The following NTM variants were observed in gnomAD, a reference collection of about 807,000 sequenced individuals.
NTM encodes IgLON family member 2.
NTM carries 13 observed loss-of-function variants against 42.1 expected under a neutral mutation model. The observed-to-expected ratio is 0.31, with a 90% confidence interval of 0.20 to 0.49. The LOEUF is 0.49. NTM is among the 20% of genes least tolerant of loss of function. The probability of loss-of-function intolerance (pLI) is 0.99; values close to 1 mark genes in which losing one functional copy is unlikely to be tolerated. For synonymous variants in NTM, 187 were observed against 179.2 expected, an observed-to-expected ratio of 1.04 and a Z score of -0.35; for missense variants, 373 against 452.8, an observed-to-expected ratio of 0.82 and a Z score of 1.60.
chr11:131,981,192 G>C (rs1453206122), intron 2 of NTM: 2 of 152,162 alleles, frequency 1.3e-5, no homozygotes, highest in African/African-American at 4.8e-5. Flanking sequence ...GAGCCCTTTG[G>C]GAATGCTCCG....
intron 2 of NTM, among the ~76,000 whole-genome samples, chr11:131,938,353 T>G (rs1373021324): frequency 6.6e-6 from 1 of 152,064 alleles, no homozygotes; most frequent in African/African-American, 2.4e-5. Context: ...AGCACAGAAT[T>G]CTAATGAGAG....
chr11:132,027,127 A>G (rs918153041), intron 2 of NTM, among the ~76,000 whole-genome samples: 3 of 152,216 alleles, frequency 2.0e-5, no homozygotes, highest in Admixed American at 6.5e-5. Flanking sequence ...CATACCATAG[A>G]TCCCTGATGG....
At chr11:132,142,038 C>G (rs891397543) in intron 2 of NTM, among the ~76,000 whole-genome samples, 1 of 152,184 alleles carries the variant, frequency 6.6e-6, no homozygotes, top group Non-Finnish European at 1.5e-5. Context: ...CTCAAGGGAA[C>G]CTCTGTCCCT....
intron 1 of NTM, among the ~76,000 whole-genome samples, chr11:131,600,067 G>A (rs891022053): frequency 4.6e-5 from 7 of 152,204 alleles, no homozygotes; most frequent in Non-Finnish European, 8.8e-5. Flanking sequence ...GTTGAGCCAC[G>A]TGGAGGAACT....
intron 1 of NTM, among the ~76,000 whole-genome samples, chr11:131,448,491 G>A (rs1049115314): frequency 1.3e-5 from 2 of 152,352 alleles, no homozygotes; most frequent in Middle Eastern, 3.4e-3. Flanking sequence ...GTATTTGCTA[G>A]GATGAGATGA....
intron 2 of NTM, among the ~76,000 whole-genome samples, chr11:131,955,584 C>T (rs1246702731): frequency 1.3e-5 from 2 of 152,258 alleles, no homozygotes; most frequent in East Asian, 3.9e-4. Flanking sequence ...TCAAAAGATA[C>T]ATAAATGACA....
chr11:131,794,408 T>G (rs1394792221), intron 1 of NTM: 41 of 860,258 alleles, frequency 4.8e-5, no homozygotes, highest in Non-Finnish European at 5.4e-5. Flanking sequence ...ACCTTCCATC[T>G]ACATGCTCCG....
chr11:131,838,861 G>A (rs1463857771), intron 1 of NTM, among the ~76,000 whole-genome samples: 1 of 152,058 alleles, frequency 6.6e-6, no homozygotes, highest in African/African-American at 2.4e-5. Context: ...GGTGCTTTGA[G>A]TGCATCTATG....
chr11:131,763,085 C>G (rs561447903), intron 1 of NTM, among the ~76,000 whole-genome samples: 1 of 152,276 alleles, frequency 6.6e-6, no homozygotes, highest in African/African-American at 2.4e-5. Flanking sequence ...GTCTTTAGAG[C>G]AGGGGCTGGT....
intron 2 of NTM, among the ~76,000 whole-genome samples, chr11:132,058,580 T>C (rs1320882087): frequency 6.6e-6 from 1 of 152,222 alleles, no homozygotes; most frequent in South Asian, 2.1e-4. Flanking sequence ...TGGTTCTCTC[T>C]GCTTGCTATC....
At chr11:131,416,575 A>G (rs986024953) in intron 1 of NTM, among the ~76,000 whole-genome samples, 5 of 152,230 alleles carry the variant, frequency 3.3e-5, no homozygotes, top group Non-Finnish European at 7.3e-5. Context: ...AATCAGGTGC[A>G]TGTGTATAAG....
At position 131,456,477 on chromosome 11, in the gene NTM, T is replaced by C. The variant is rs181081909; in HGVS notation, c.82+85589T>C. 1.5e-4 allele frequency among the ~76,000 whole-genome samples: 23 copies of C among 152,222 alleles called. No individual in the cohort carries two copies. The East Asian group carries it at 4.1e-3, about 27-fold the overall frequency. On this transcript the variant is annotated intron_variant, in intron 1 of 8. Coordinates refer to ENST00000683400, the MANE Select transcript of NTM (RefSeq NM_001352005.2). ...CCTCCTTCGTTCTCATCAAGCCAGC[T>C]AAAGTCGAGTGCCCCAGCATGGCTC...
In NTM at chr11:131,420,338, C is replaced by A. The variant is rs189488726; in HGVS notation, c.82+49450C>A. Among the ~76,000 whole-genome samples, 65 of 152,236 alleles carry A rather than the reference C, an allele frequency of 4.3e-4. 2 individuals carry two copies. In the East Asian group the frequency reaches 4.6e-3, roughly 11 times the overall value. Reference sequence around the variant, plus strand: ...GCCACGAGACAAAGCATGCAGGCAGCCTCTGGAGGCTGAGAAAAGGGAGGA... The same window carrying A: ...GCCACGAGACAAAGCATGCAGGCAGACTCTGGAGGCTGAGAAAAGGGAGGA... On this transcript the variant is annotated intron_variant, in intron 1 of 8. Coordinates refer to ENST00000683400, the MANE Select transcript of NTM (RefSeq NM_001352005.2).
At chr11:131,805,213 C>G (rs749903961) in intron 1 of NTM, among the ~76,000 whole-genome samples, 1 of 152,294 alleles carries the variant, frequency 6.6e-6, no homozygotes, top group Middle Eastern at 3.4e-3. Flanking sequence ...ACCAGCCTCA[C>G]CTTCCAACCT....
chr11:132,287,741 G>A (rs941689881), intron 4 of NTM, among the ~76,000 whole-genome samples: 1 of 152,174 alleles, frequency 6.6e-6, no homozygotes, highest in African/African-American at 2.4e-5. Flanking sequence ...AAGAAAAAAT[G>A]TGCTAACATG....
intron 2 of NTM, among the ~76,000 whole-genome samples, chr11:132,128,497 G>C (rs7480231): frequency 0.48 from 73,202 of 151,852 alleles, 18,409 homozygotes; most frequent in Non-Finnish European, 0.56. Flanking sequence ...GCCCCAGGCT[G>C]TCCAGATGTA....
chr11:132,270,653 A>AT (rs56926246), intron 4 of NTM, among the ~76,000 whole-genome samples: 28,968 of 147,570 alleles, frequency 0.2, 3,999 homozygotes, highest in East Asian at 0.66. Flanking sequence ...ATTTATTTTT[A>AT]TTTTTTTTTT....
chr11:131,791,886 C>T (rs1164530163), intron 1 of NTM, among the ~76,000 whole-genome samples: 1 of 152,178 alleles, frequency 6.6e-6, no homozygotes, highest in African/African-American at 2.4e-5. Context: ...CTCATTGAGA[C>T]TCAGGTTACT....
chr11:131,738,337 C>CT (rs2080753831), intron 1 of NTM, among the ~76,000 whole-genome samples: 1 of 152,212 alleles, frequency 6.6e-6, no homozygotes, highest in Admixed American at 6.5e-5. Context: ...CCAGGCTTCT[C>CT]TTTTAAGTGT....
Sources: allele counts gnomAD v4.1 joint callset (sites outside exome capture counted in the v4.1 genomes callset), GRCh38; gene constraint gnomAD v4.1.1; transcripts MANE v1.5; gene names NCBI Gene and HGNC (gene_info 2026-07-23, HGNC 2026-07-21).